Variants in HPSE2 observed in about 807,000 individuals in gnomAD.
The protein encoded by HPSE2 is heparanase 2 (inactive).
HPSE2 carries 38 observed loss-of-function variants against 60.5 expected under a neutral mutation model. The ratio of observed to expected loss-of-function variants is 0.63; its 90% CI spans 0.48 to 0.82. HPSE2 has a LOEUF of 0.82. Ranked by LOEUF, HPSE2 falls within the 40% of genes least tolerant of loss-of-function variation. The pLI, the probability that HPSE2 is intolerant of heterozygous loss-of-function variation, is 0.00. For synonymous variants in HPSE2, 295 were observed against 293.2 expected (o/e 1.01, Z -0.06); for missense variants, 713 against 740.4 (o/e 0.96, Z 0.43).
At chr10:98,571,725 C>T (rs1944498868) in intron 9 of HPSE2, among the ~76,000 whole-genome samples, 1 of 152,116 alleles carries the variant, frequency 6.6e-6, no homozygotes, top group Admixed American at 6.5e-5. Context: ...GAAATGAAGG[C>T]ATTCAAAGGT....
intron 3 of HPSE2, among the ~76,000 whole-genome samples, chr10:98,745,454 A>G (rs1949606913): frequency 6.6e-6 from 1 of 152,102 alleles, no homozygotes; most frequent in Admixed American, 6.6e-5. Context: ...CTCAATCCTC[A>G]AAACCAGTGG....
chr10:98,879,852 CGTGTGTGTGTGTGT>C (rs3043546), intron 3 of HPSE2, among the ~76,000 whole-genome samples: 1 of 145,676 alleles, frequency 6.9e-6, no homozygotes, highest in African/African-American at 2.5e-5. Flanking sequence ...TGTGCATGTG[CGTGTGTGTGTGTGT>C]GTGTGTGTGT....
At chr10:98,918,344 A>G (rs1954180753) in intron 3 of HPSE2, among the ~76,000 whole-genome samples, 1 of 152,116 alleles carries the variant, frequency 6.6e-6, no homozygotes, top group Non-Finnish European at 1.5e-5. Flanking sequence ...TATCCAAAGG[A>G]TTATAAATCA....
chr10:99,059,564 A>G (rs1435852831), intron 3 of HPSE2, among the ~76,000 whole-genome samples: 4 of 152,148 alleles, frequency 2.6e-5, no homozygotes, highest in African/African-American at 9.7e-5. Flanking sequence ...AGGTACCAGT[A>G]CCTTTCTTTT....
chr10:99,058,780 G>C (rs1362157645), intron 3 of HPSE2, among the ~76,000 whole-genome samples: 1 of 152,102 alleles, frequency 6.6e-6, no homozygotes, highest in Non-Finnish European at 1.5e-5. Context: ...GGTGGAGTTG[G>C]GTGGGGATGT....
chr10:98,910,946 T>G (rs1295043924), intron 3 of HPSE2, among the ~76,000 whole-genome samples: 1 of 152,170 alleles, frequency 6.6e-6, no homozygotes, highest in Admixed American at 6.5e-5. Flanking sequence ...TCTGAGGAAA[T>G]TTCTATCTCC....
intron 9 of HPSE2, among the ~76,000 whole-genome samples, chr10:98,537,725 C>A (rs1213315202): frequency 6.6e-6 from 1 of 152,170 alleles, no homozygotes; most frequent in Non-Finnish European, 1.5e-5. Flanking sequence ...GAAAGGGAGT[C>A]TCCTTTCCTT....
chr10:98,915,384 T>A (rs981425486), intron 3 of HPSE2, among the ~76,000 whole-genome samples: 6 of 152,076 alleles, frequency 3.9e-5, no homozygotes, highest in African/African-American at 7.2e-5. Flanking sequence ...CCTGACCTCC[T>A]GATCTGCCTG....
chr10:98,888,137 C>G, intron 3 of HPSE2, among the ~76,000 whole-genome samples: 1 of 25,224 alleles, frequency 4.0e-5, no homozygotes, highest in South Asian at 3.3e-3. Context: ...TTAAAACAAA[C>G]ACACACACAC....
At chr10:99,002,918 AC>A (rs1956808649) in intron 3 of HPSE2, among the ~76,000 whole-genome samples, 1 of 152,070 alleles carries the variant, frequency 6.6e-6, no homozygotes. Context: ...TCTACTCAAT[AC>A]ATTGTTATTA....
chr10:98,841,963 C>G lies in HPSE2; in HGVS notation c.611-97907G>C, dbSNP rs1012850445. Among the ~76,000 whole-genome samples the G allele has an allele frequency of 5.9e-5, 9 of 152,214 alleles. No homozygotes were observed. In the East Asian group the frequency reaches 9.7e-4, roughly 16 times the overall value. On this transcript the variant is annotated intron_variant, in intron 3 of 11. Coordinates refer to ENST00000370552, the MANE Select transcript of HPSE2 (RefSeq NM_021828.5). Reference sequence around the variant, plus strand: ...CTGGGACTACAGGCGTGTGCCACCACGCCCAGCTAAGTTTTGTATTTTTTA... The same window carrying G: ...CTGGGACTACAGGCGTGTGCCACCAGGCCCAGCTAAGTTTTGTATTTTTTA...
the HPSE2 span, among the ~76,000 whole-genome samples, chr10:99,285,478 G>GGGAT: frequency 7.8e-6 from 1 of 128,518 alleles, no homozygotes; most frequent in Admixed American, 7.7e-5. Context: ...AAGGAAGGAA[G>GGGAT]GGAGGGAGGG....
At chr10:98,996,202 T>C (rs7091149) in intron 3 of HPSE2, among the ~76,000 whole-genome samples, 22,804 of 152,162 alleles carry the variant, frequency 0.15, 2,365 homozygotes, top group African/African-American at 0.29. Context: ...TTTTCATTAA[T>C]ATAAAATGTT....
At chr10:98,833,558 C>T (rs1951728921) in intron 3 of HPSE2, among the ~76,000 whole-genome samples, 1 of 152,250 alleles carries the variant, frequency 6.6e-6, no homozygotes, top group African/African-American at 2.4e-5. Context: ...TACACTAGTT[C>T]ATTTAATACT....
intron 11 of HPSE2, among the ~76,000 whole-genome samples, chr10:98,466,188 T>C (rs956469900): frequency 6.6e-6 from 1 of 152,244 alleles, no homozygotes; most frequent in African/African-American, 2.4e-5. Flanking sequence ...TTTTCTGGAC[T>C]ACAGTCTGGC....
intron 9 of HPSE2, among the ~76,000 whole-genome samples, chr10:98,505,010 G>C (rs1219977875): frequency 6.6e-6 from 1 of 151,994 alleles, no homozygotes; most frequent in East Asian, 1.9e-4. Flanking sequence ...ATTCATCCAG[G>C]TTATTACATG....
intron 3 of HPSE2, among the ~76,000 whole-genome samples, chr10:98,958,331 C>T (rs1955560590): frequency 6.6e-6 from 1 of 151,606 alleles, no homozygotes; most frequent in East Asian, 1.9e-4. Context: ...AAGTTAAAGT[C>T]AAGGATTAGT....
chr10:98,721,318 T>C (rs1349644240), intron 5 of HPSE2, among the ~76,000 whole-genome samples: 2 of 152,106 alleles, frequency 1.3e-5, no homozygotes, highest in African/African-American at 4.8e-5. Context: ...GACACTGGTA[T>C]AGAGTAATTT....
At chr10:99,070,904 T>G (rs1842767713) in intron 3 of HPSE2, among the ~76,000 whole-genome samples, 1 of 152,180 alleles carries the variant, frequency 6.6e-6, no homozygotes, top group Non-Finnish European at 1.5e-5. Flanking sequence ...TGTCCATTCA[T>G]CTACCCATCA....
Sources: gnomAD v4.1 joint callset for allele counts (sites outside exome capture counted in the v4.1 genomes callset) on GRCh38, gnomAD v4.1.1 for gene constraint, MANE v1.5 for transcripts, NCBI Gene and HGNC (gene_info 2026-07-23, HGNC 2026-07-21) for gene names.